DSC1: variants seen among roughly 807,000 people sequenced by gnomAD.
The protein encoded by DSC1 is desmocollin-1.
Under a neutral mutation model 98.8 loss-of-function variants are expected in DSC1, and 79 were observed. The observed-to-expected ratio is 0.80, with a 90% confidence interval of 0.67 to 0.96. The LOEUF (loss-of-function observed/expected upper bound fraction) is 0.96. DSC1 is among the 50% of genes least tolerant of loss of function. The pLI is 0.00. For missense variants in DSC1, 1,115 were observed against 1,075.9 expected, an observed-to-expected ratio of 1.04 and a Z score of -0.51; for synonymous variants, 405 against 372.1, an observed-to-expected ratio of 1.09 and a Z score of -1.02.
At chr18:31,155,219 T>A (rs1029015236) in intron 4 of DSC1, among the ~76,000 whole-genome samples, 1 of 152,230 alleles carries the variant, frequency 6.6e-6, no homozygotes, top group East Asian at 1.9e-4. Context: ...TTTATTCTTA[T>A]CTTCATATAA....
chr18:31,139,364 T>A (rs140560836), intron 11 of DSC1, among the ~76,000 whole-genome samples: 1 of 152,224 alleles, frequency 6.6e-6, no homozygotes, highest in East Asian at 1.9e-4. Context: ...TGTTGAACCC[T>A]TTCAGCAAGC....
chr18:31,145,823 T>G, intron 6 of DSC1, 46 bp from the exon 7 acceptor site: 1 of 1,571,950 alleles, frequency 6.4e-7, no homozygotes, highest in East Asian at 2.2e-5. Flanking sequence ...ACTCATATAA[T>G]TGAATTATAA....
rs1988565252 is a variant in DSC1 at position 31,134,476 on chromosome 18, T to C, written c.1876+96A>G. ...TTTTAGGGTTAATAAAATAATTTCC[T>C]AAAATAAATGTGTATTTATTATGAT... On this transcript the variant is annotated intron_variant, in intron 12 of 15. Coordinates refer to ENST00000257198, the MANE Select transcript of DSC1 (RefSeq NM_024421.2). The C allele has an allele frequency of 2.7e-6, 3 of 1,094,690 alleles. No individual in the cohort carries two copies. The Admixed American group carries it at 8.9e-5, about 33-fold the overall frequency. 67.8% of individuals were successfully genotyped at this position (1,094,690 alleles called of 1,614,324 possible). A position where few individuals can be genotyped will look rare whatever the true frequency, so the allele number is the denominator to read the frequency against.
At chr18:31,146,387 T>C (rs12604470) in intron 6 of DSC1, among the ~76,000 whole-genome samples, 31,348 of 152,074 alleles carry the variant, frequency 0.21, 3,862 homozygotes, top group East Asian at 0.56. Flanking sequence ...TGACCTCCAG[T>C]TGCATCTATG....
At chr18:31,133,819 C>A in intron 13 of DSC1, 72 bp downstream of exon 13, 2 of 1,457,082 alleles carry the variant, frequency 1.4e-6, no homozygotes, top group South Asian at 2.9e-5. Context: ...ATATAAAAAA[C>A]TTCCATGTTT....
At chr18:31,134,479 A>C (rs1361691550) in intron 12 of DSC1, 93 bp downstream of exon 12, 1 of 1,113,844 alleles carries the variant, frequency 9.0e-7, no homozygotes, top group African/African-American at 1.6e-5. Flanking sequence ...AATTTCCTAA[A>C]ATAAATGTGT....
chr18:31,142,197 C>T lies in DSC1; in HGVS notation c.1075-13G>A, dbSNP rs759397524. ...CTTCTGTAACATACTGAAAGAATTG[C>T]CCCTTATTATTATCAATTTACAACT... On this transcript the variant is annotated splice_polypyrimidine_tract_variant and intron_variant, in intron 8 of 15. Transcript: ENST00000257198. 4 of 1,595,244 alleles carry T rather than the reference C, an allele frequency of 2.5e-6. No homozygotes were observed. In the African/African-American group the frequency reaches 4.1e-5, roughly 16 times the overall value.
intron 5 of DSC1, among the ~76,000 whole-genome samples, chr18:31,153,156 A>G (rs1290334782): frequency 6.6e-6 from 1 of 152,120 alleles, no homozygotes; most frequent in Non-Finnish European, 1.5e-5. Context: ...CAATGATCAC[A>G]GTAAGAAGCA....
At chr18:31,137,823 T>C (rs1202888979) in intron 11 of DSC1, among the ~76,000 whole-genome samples, 2 of 152,078 alleles carry the variant, frequency 1.3e-5, no homozygotes, top group Non-Finnish European at 2.9e-5. Context: ...AGGTGGAAGG[T>C]ATGTAAAACA....
intron 15 of DSC1, chr18:31,130,973 C>A: frequency 1.2e-6 from 1 of 843,414 alleles, no homozygotes; most frequent in Non-Finnish European, 1.8e-6. Flanking sequence ...TTATAATTTC[C>A]CATTTGAACA....
intron 11 of DSC1, 29 bp downstream of exon 11, chr18:31,139,719 A>G (rs1988688219): frequency 6.5e-7 from 1 of 1,540,870 alleles, no homozygotes; most frequent in South Asian, 1.3e-5. Context: ...TCATATATTT[A>G]TATTTTATCT....
At chr18:31,149,965 A>G (rs1053948506) in intron 5 of DSC1, among the ~76,000 whole-genome samples, 2 of 151,790 alleles carry the variant, frequency 1.3e-5, no homozygotes, top group Admixed American at 6.6e-5. Context: ...TTCTAAATTC[A>G]GGAGTGGAAT....
intron 6 of DSC1, among the ~76,000 whole-genome samples, chr18:31,146,150 G>A (rs1429816288): frequency 2.6e-5 from 4 of 152,188 alleles, no homozygotes; most frequent in South Asian, 2.1e-4. Context: ...TATATTGTGC[G>A]ATACCGAGGT....
intron 9 of DSC1, among the ~76,000 whole-genome samples, chr18:31,141,093 G>A (rs976851049): frequency 5.3e-5 from 8 of 152,244 alleles, no homozygotes; most frequent in Admixed American, 2.6e-4. Flanking sequence ...GAAACTGTAA[G>A]TCCAATTAAA....
chr18:31,154,983 C>T (rs1460215290), intron 4 of DSC1, 54 bp from the exon 5 acceptor site: 5 of 1,588,542 alleles, frequency 3.1e-6, no homozygotes, highest in South Asian at 2.3e-5. Flanking sequence ...TATTTTCAAC[C>T]TAACCTCTTG....
chr18:31,157,605 A>G (rs370728904), intron 2 of DSC1, 32 bp from the exon 3 acceptor site: 1 of 1,612,460 alleles, frequency 6.2e-7, no homozygotes, highest in Non-Finnish European at 8.5e-7. Context: ...GCAGTTTGTC[A>G]GATGAAACAG....
At chr18:31,160,256 T>A (rs1211528818) in intron 1 of DSC1, among the ~76,000 whole-genome samples, 6 of 152,198 alleles carry the variant, frequency 3.9e-5, no homozygotes, top group Non-Finnish European at 8.8e-5. Context: ...TTCAAAAATG[T>A]CTATAGGTTC....
Position 31,154,902 on chromosome 18 carries a change from T to G in DSC1, c.499A>C (p.Thr167Pro). The G allele has an allele frequency of 6.2e-7, 1 of 1,613,938 alleles. No homozygotes were observed. Among genetic ancestry groups the G allele is most frequent in the Non-Finnish European group, 8.5e-7 (1 of 1,179,964 alleles). Residue 167 changes from threonine to proline, a missense_variant, in exon 5 of 16, where the codon ACC becomes CCC. Transcript: ENST00000257198. ...QIQSDAAQNYTIFYSISGPGV... is the reference protein window; with the variant it reads ...QIQSDAAQNYPIFYSISGPGV... ...GGCCCACTTATGGAATAAAAGATGG[T>G]GTAATTCTGTGCAGCATCAGATTGG...
intron 5 of DSC1, 78 bp from the exon 6 acceptor site, chr18:31,148,720 A>C: frequency 7.3e-7 from 1 of 1,362,414 alleles, no homozygotes; most frequent in Non-Finnish European, 9.7e-7. Context: ...AGTGGGGGAA[A>C]ATGTAACATT....
Sources: gnomAD v4.1 joint callset for allele counts (sites outside exome capture counted in the v4.1 genomes callset) on GRCh38, gnomAD v4.1.1 for gene constraint, MANE v1.5 for transcripts, NCBI Gene and HGNC (gene_info 2026-07-23, HGNC 2026-07-21) for gene names.